STAB2: variants seen among roughly 807,000 people sequenced by gnomAD.
STAB2 encodes stabilin 2, also known as stabilin-2.
A neutral mutation model predicts 338.1 loss-of-function variants in STAB2; 288 were observed. That is an observed-to-expected ratio of 0.85 (90% CI 0.77 to 0.94). STAB2 has a LOEUF of 0.94. STAB2 is among the 40% of genes least tolerant of loss of function. The probability of loss-of-function intolerance (pLI) is 0.00; values close to 1 mark genes in which losing one functional copy is unlikely to be tolerated. For synonymous variants in STAB2, 1,202 were observed against 1,193.3 expected (o/e 1.01, Z -0.15); for missense variants, 3,141 against 3,210.1 (o/e 0.98, Z 0.52).
chr12:103,701,120 T>G (rs1049551144), intron 34 of STAB2, among the ~76,000 whole-genome samples: 1 of 151,540 alleles, frequency 6.6e-6, no homozygotes, highest in Non-Finnish European at 1.5e-5. Flanking sequence ...TTTTTGTTCT[T>G]GCGATAGTTT....
In STAB2 at chr12:103,587,444, T is replaced by A; in HGVS notation, c.-33T>A. The A allele has an allele frequency of 1.3e-6, 2 of 1,576,858 alleles. No homozygotes were observed. The highest frequency in any genetic ancestry group is 2.2e-5 in the South Asian group (2 of 88,908). ...AAAATAGCTAAGTCAGCCTGACAGG[T>A]GCTTGGCACAGAGAAGGAGCAAATA... On this transcript the variant is annotated 5_prime_UTR_variant, in exon 1 of 69. Transcript: ENST00000388887.
intron 6 of STAB2, among the ~76,000 whole-genome samples, chr12:103,635,094 ATG>A (rs1488066885): frequency 2.0e-5 from 3 of 152,232 alleles, no homozygotes; most frequent in Non-Finnish European, 4.4e-5. Context: ...CATCTCTCAC[ATG>A]TGTGCACATC....
Position 103,696,167 on chromosome 12 carries a change from G to A in STAB2, c.3582+323G>A, listed in dbSNP as rs562569783. Among the ~76,000 whole-genome samples, 4 of 152,204 alleles carry A rather than the reference G, an allele frequency of 2.6e-5. No homozygotes were observed. The South Asian group carries it at 8.3e-4, about 32-fold the overall frequency. On this transcript the variant is annotated intron_variant, in intron 33 of 68. Coordinates refer to ENST00000388887, the MANE Select transcript of STAB2 (RefSeq NM_017564.10). ...AACCCACAGGTGCTTGGCCTGTTTA[G>A]GATCTATCTATAGAACCATCACTCT... is the stretch of plus-strand genomic sequence containing the variant.
chr12:103,600,649 C>A (rs1250773186), intron 3 of STAB2, among the ~76,000 whole-genome samples: 2 of 152,236 alleles, frequency 1.3e-5, no homozygotes, highest in African/African-American at 2.4e-5. Context: ...TAAGTATTCA[C>A]CTTGGCCTTT....
intron 30 of STAB2, among the ~76,000 whole-genome samples, 185 bp downstream of exon 30, chr12:103,690,723 G>A (rs540125840): frequency 9.9e-5 from 15 of 152,278 alleles, no homozygotes; most frequent in Admixed American, 2.6e-4. Flanking sequence ...ACATATACAC[G>A]TTACCCTATA....
rs534160031 is a variant in STAB2, at chr12:103,635,069, A to G, written c.584-2042A>G. 2.0e-5 allele frequency among the ~76,000 whole-genome samples: 3 copies of G among 152,320 alleles called. No individual in the cohort carries two copies. In the East Asian group the frequency reaches 5.8e-4, roughly 29 times the overall value. Reference sequence around the variant, plus strand: ...TTTTACTCAACTAGCCACTGTTGGGAGACAATTCTCCATGCATCTCTCACA... The same window carrying G: ...TTTTACTCAACTAGCCACTGTTGGGGGACAATTCTCCATGCATCTCTCACA... On this transcript the variant is annotated intron_variant, in intron 6 of 68. Transcript: ENST00000388887.
chr12:103,678,670 G>A (rs1049460158), intron 25 of STAB2, among the ~76,000 whole-genome samples: 13 of 152,230 alleles, frequency 8.5e-5, no homozygotes, highest in Middle Eastern at 3.4e-3. Context: ...GGGACTACAG[G>A]CACCCACCAC....
At chr12:103,690,125 C>T (rs1877797367) in intron 29 of STAB2, 143 bp downstream of exon 29, 36 of 1,230,784 alleles carry the variant, frequency 2.9e-5, no homozygotes, top group Non-Finnish European at 3.9e-5. Flanking sequence ...CCTCCCACCC[C>T]AGGATAGTAA....
In STAB2 at chr12:103,739,572, T is replaced by TGTGTGTGTGTGTGTGC. The variant is rs373686630; in HGVS notation, c.5754+105_5754+106insTGTGTGTGTGTGTGCG. On this transcript the variant is annotated intron_variant, in intron 54 of 68. Coordinates refer to ENST00000388887, the MANE Select transcript of STAB2 (RefSeq NM_017564.10). ...GTGTGTGTGTGTGTGTGTGTGTGTG[T>TGTGTGTGTGTGTGTGC]GCCCGTGCACGTATGTTGCATAAAT... 536 of 735,330 alleles carry TGTGTGTGTGTGTGTGC rather than the reference T, an allele frequency of 7.3e-4. 3 individuals are homozygous for TGTGTGTGTGTGTGTGC. The highest frequency in any genetic ancestry group is 2.5e-3 in the Admixed American group (65 of 26,076). 45.6% of individuals were successfully genotyped at this position (735,330 alleles called of 1,614,324 possible).
At chr12:103,756,432 G>T (rs1409042209) in intron 63 of STAB2, among the ~76,000 whole-genome samples, 1 of 152,070 alleles carries the variant, frequency 6.6e-6, no homozygotes, top group South Asian at 2.1e-4. Flanking sequence ...GACCACCATT[G>T]TCTCCCCAAA....
At chr12:103,731,417 G>A (rs1266953565) in intron 49 of STAB2, among the ~76,000 whole-genome samples, 159 bp from the exon 50 acceptor site, 1 of 152,214 alleles carries the variant, frequency 6.6e-6, no homozygotes, top group African/African-American at 2.4e-5. Context: ...CTAGAATGCA[G>A]AAAAGCGTGG....
intron 27 of STAB2, among the ~76,000 whole-genome samples, chr12:103,687,659 C>A (rs1157054846): frequency 6.6e-6 from 1 of 152,110 alleles, no homozygotes; most frequent in Non-Finnish European, 1.5e-5. Flanking sequence ...TGAGTTGGAG[C>A]TTTTATTATG....
chr12:103,637,251 G>T lies in STAB2; in HGVS notation c.709+15G>T, dbSNP rs1957563108. ...ATACTGCGACCGTGAGTAGAATTTA[G>T]ATTCTGCTAGTTTATTCATTGAGAT... On this transcript the variant is annotated intron_variant, in intron 7 of 68. Coordinates refer to ENST00000388887, the MANE Select transcript of STAB2 (RefSeq NM_017564.10). 1.2e-6 allele frequency: 2 copies of T among 1,607,530 alleles called. No individual in the cohort carries two copies. Among genetic ancestry groups the T allele is most frequent in the African/African-American group, 1.3e-5 (1 of 74,512 alleles).
Position 103,640,176 on chromosome 12 carries a change from C to G in STAB2, c.960C>G (p.Cys320Trp). The G allele has an allele frequency of 6.2e-7, 1 of 1,613,606 alleles. No homozygotes were observed. The highest frequency in any genetic ancestry group is 1.7e-4 in the Middle Eastern group (1 of 6,058). Residue 320 changes from cysteine to tryptophan, a missense_variant, in exon 9 of 69, where the codon TGC (cysteine) becomes TGG (tryptophan). Coordinates refer to ENST00000388887, the MANE Select transcript of STAB2 (RefSeq NM_017564.10). ...AGAATTTCGTACCTGGAGTGGGGTG[C>G]AGTATGACTGATATATGTAAATCAG... ...HYQNFVPGVG[C>W]SMTDICKSDN... is the part of the protein sequence containing the mutation.
At chr12:103,655,346 C>G (rs1874099669) in intron 14 of STAB2, 39 bp downstream of exon 14, 2 of 1,605,064 alleles carry the variant, frequency 1.2e-6, no homozygotes, top group South Asian at 1.1e-5. Flanking sequence ...ATATTTATGT[C>G]AAGACTTTTG....
chr12:103,655,481 A>T lies in STAB2; in HGVS notation c.1634A>T (p.Asp545Val). Residue 545 changes from aspartate to valine, a missense_variant, in exon 15 of 69, where the codon GAT becomes GTT. By Grantham distance (152) the Asp-to-Val change is radical. Transcript: ENST00000388887. ...GAAACCAATTTGGGACATGCCTTAG[A>T]TGAGGATGGAGTTGGTGGACCATAC... ...LEETNLGHAL[D>V]EDGVGGPYTI... 1 of 1,614,074 alleles carries T rather than the reference A, an allele frequency of 6.2e-7. No homozygotes were observed. The highest frequency in any genetic ancestry group is 8.5e-7 in the Non-Finnish European group (1 of 1,180,016).
rs369556936 is a variant in STAB2 at position 103,749,841 on chromosome 12, C to CAAAA, written c.6439-710_6439-707dup. Among the ~76,000 whole-genome samples the CAAAA allele has an allele frequency of 1.9e-3, 95 of 51,156 alleles. 11 individuals are homozygous for CAAAA. The highest frequency in any genetic ancestry group is 2.3e-3 in the Admixed American group (7 of 3,006). The allele number at this position is 51,156 out of a possible 152,430, so 33.6% of individuals were successfully genotyped here. A position where few individuals can be genotyped will look rare whatever the true frequency, so the allele number is the denominator to read the frequency against. On this transcript the variant is annotated intron_variant, in intron 59 of 68. Transcript: ENST00000388887. ...GGTGACAGAGCAAGACTCTGTCTCA[C>CAAAA]AAAAAAAAAAAAAAAAAAAAAAAAA... is the stretch of plus-strand genomic sequence containing the variant.
chr12:103,675,896 C>G (rs1876300341), intron 23 of STAB2, 32 bp from the exon 24 acceptor site: 1 of 1,567,848 alleles, frequency 6.4e-7, no homozygotes, highest in African/African-American at 1.4e-5. Context: ...GGTGCTTATT[C>G]TGGGGCTGAT....
chr12:103,764,316 G>A (rs1226517724), intron 68 of STAB2, among the ~76,000 whole-genome samples: 1 of 152,220 alleles, frequency 6.6e-6, no homozygotes, highest in Admixed American at 6.5e-5. Context: ...CTTGTTGTCA[G>A]AGCTGCTGCT....
Sources: allele counts gnomAD v4.1 joint callset (sites outside exome capture counted in the v4.1 genomes callset), GRCh38; gene constraint gnomAD v4.1.1; transcripts MANE v1.5; gene names NCBI Gene and HGNC (gene_info 2026-07-23, HGNC 2026-07-21).